The following RGS3 variants were observed in gnomAD, a reference collection of about 807,000 sequenced individuals.
The protein encoded by RGS3 is regulator of G protein signaling 3, also known as regulator of G-protein signalling 3.
In RGS3, 80 loss-of-function variants were observed where a neutral mutation model predicts 132.6. That is an observed-to-expected ratio of 0.60 (90% CI 0.50 to 0.73). The LOEUF (loss-of-function observed/expected upper bound fraction) is 0.73. Ranked by LOEUF, RGS3 falls within the 30% of genes least tolerant of loss-of-function variation. The pLI, the probability that RGS3 is intolerant of heterozygous loss-of-function variation, is 0.00. For synonymous variants in RGS3, 598 were observed against 620.6 expected (o/e 0.96, Z 0.54); for missense variants, 1,382 against 1,530.8 (o/e 0.90, Z 1.62).
At chr9:113,534,379 G>A (rs1368325773) in intron 18 of RGS3, among the ~76,000 whole-genome samples, 2 of 152,120 alleles carry the variant, frequency 1.3e-5, no homozygotes, top group Admixed American at 6.6e-5. Context: ...TATCCACCAA[G>A]GATTTGTTCC....
intron 17 of RGS3, among the ~76,000 whole-genome samples, chr9:113,526,381 C>T (rs1347661046): frequency 6.6e-6 from 1 of 152,160 alleles, no homozygotes; most frequent in Non-Finnish European, 1.5e-5. Context: ...GGACACGTTG[C>T]CACCTCTGGG....
chr9:113,594,832 C>A, intron 22 of RGS3, 87 bp from the exon 21 acceptor site: 1 of 1,273,422 alleles, frequency 7.9e-7, no homozygotes, highest in Non-Finnish European at 1.1e-6. Flanking sequence ...GGGCCCAGGG[C>A]AGTAAACAAA....
intron 19 of RGS3, chr9:113,580,787 G>T: frequency 1.0e-6 from 1 of 985,806 alleles, no homozygotes. Context: ...AGGCTGACTT[G>T]CATTTCTGGT....
intron 16 of RGS3, among the ~76,000 whole-genome samples, chr9:113,520,305 C>T (rs867903278): frequency 2.6e-5 from 4 of 152,240 alleles, no homozygotes; most frequent in Admixed American, 1.3e-4. Context: ...CTCCCCGGCA[C>T]GCTTGCCCCT....
chr9:113,516,559 A>C (rs1251816982), intron 15 of RGS3, among the ~76,000 whole-genome samples: 2 of 151,718 alleles, frequency 1.3e-5, no homozygotes, highest in Non-Finnish European at 2.9e-5. Context: ...GGGTTTTACC[A>C]TGTTGGCCAG....
chr9:113,495,723 T>C (rs926283178), intron 7 of RGS3, 63 bp from the exon 6 acceptor site: 2 of 1,367,318 alleles, frequency 1.5e-6, no homozygotes, highest in Non-Finnish European at 2.1e-6. Context: ...CTATACTTGA[T>C]AATGGACCTC....
At chr9:113,468,092 T>C (rs1013678786) in intron 3 of RGS3, among the ~76,000 whole-genome samples, 1 of 152,234 alleles carries the variant, frequency 6.6e-6, no homozygotes, top group South Asian at 2.1e-4. Flanking sequence ...TTGTACTTTG[T>C]GTTATATCTC....
chr9:113,512,436 A>G (rs987570384), intron 14 of RGS3, among the ~76,000 whole-genome samples: 2 of 151,944 alleles, frequency 1.3e-5, no homozygotes, highest in Non-Finnish European at 2.9e-5. Context: ...TTGAGTTATC[A>G]TGGTTTGAGC....
intron 21 of RGS3, chr9:113,592,371 T>G (rs531360600): frequency 2.0e-5 from 3 of 152,382 alleles, no homozygotes; most frequent in African/African-American, 7.2e-5. Context: ...TTGAATGTGG[T>G]GCTGGAAGTG....
chr9:113,586,145 C>A (rs1017389307), intron 20 of RGS3, among the ~76,000 whole-genome samples: 1 of 152,188 alleles, frequency 6.6e-6, no homozygotes, highest in African/African-American at 2.4e-5. Context: ...TAGGCCATTT[C>A]TTGATGGTTT....
At chr9:113,562,265 C>T (rs1833821634) in intron 19 of RGS3, among the ~76,000 whole-genome samples, 1 of 152,096 alleles carries the variant, frequency 6.6e-6, no homozygotes, top group African/African-American at 2.4e-5. Context: ...TGCTTGAGGC[C>T]AGGAGTTCAA....
intron 18 of RGS3, among the ~76,000 whole-genome samples, chr9:113,533,982 C>G (rs1472325226): frequency 6.6e-6 from 1 of 152,254 alleles, no homozygotes; most frequent in Non-Finnish European, 1.5e-5. Flanking sequence ...AACCAGCAGG[C>G]AGGGCTTTCT....
intron 1 of RGS3, among the ~76,000 whole-genome samples, chr9:113,449,954 A>C (rs955374408): frequency 5.9e-5 from 9 of 152,150 alleles, no homozygotes; most frequent in African/African-American, 2.2e-4. Context: ...CATGTTGGCC[A>C]GGCTGGTCTT....
chr9:113,542,322 G>A (rs1433146160), intron 19 of RGS3, among the ~76,000 whole-genome samples: 7 of 152,206 alleles, frequency 4.6e-5, no homozygotes, highest in African/African-American at 1.7e-4. Context: ...CACAGTGGGT[G>A]AGGTAGTTGA....
At chr9:113,459,908 T>C (rs905465763), upstream of RGS3, among the ~76,000 whole-genome samples, 3 of 151,672 alleles carry the variant, frequency 2.0e-5, no homozygotes, top group Admixed American at 2.0e-4. Flanking sequence ...GGCATGGTAG[T>C]GTACACCTGT....
chr9:113,589,629 C>T (rs911260454), intron 20 of RGS3, among the ~76,000 whole-genome samples: 2 of 152,216 alleles, frequency 1.3e-5, no homozygotes, highest in African/African-American at 4.8e-5. Context: ...CCCGAGGGCT[C>T]TTTCCCACGG....
Position 113,524,343 on chromosome 9 carries a change from C to T in RGS3, c.1870+1302C>T, listed in dbSNP as rs149695952. ...TCCCCCTCCCTGCCCCCAGCCCAGA[C>T]AGTCTAGGACCCCATCACATTTGAG... is the stretch of plus-strand genomic sequence containing the variant. On this transcript the variant is annotated intron_variant, in intron 17 of 24. Coordinates refer to ENST00000350696, the Ensembl canonical transcript of RGS3. Among the ~76,000 whole-genome samples, 111 of 152,310 alleles carry T rather than the reference C, an allele frequency of 7.3e-4. 1 individual carries two copies. Among genetic ancestry groups the T allele is most frequent in the African/African-American group, 2.4e-3 (100 of 41,564 alleles).
At chr9:113,557,407 C>T (rs949770701) in intron 19 of RGS3, among the ~76,000 whole-genome samples, 3 of 152,230 alleles carry the variant, frequency 2.0e-5, no homozygotes, top group Admixed American at 6.5e-5. Context: ...TCCTCATTGG[C>T]CCAAGTAGGA....
intron 4 of RGS3, among the ~76,000 whole-genome samples, chr9:113,481,384 C>G (rs1314736157): frequency 6.6e-6 from 1 of 152,148 alleles, no homozygotes; most frequent in Non-Finnish European, 1.5e-5. Context: ...TGGGTCCTGC[C>G]CTCAAGAACC....
Sources: allele counts gnomAD v4.1 joint callset (sites outside exome capture counted in the v4.1 genomes callset), GRCh38; gene constraint gnomAD v4.1.1; transcripts MANE v1.5; gene names NCBI Gene and HGNC (gene_info 2026-07-23, HGNC 2026-07-21).